The following NFIB variants were observed in gnomAD, a reference collection of about 807,000 sequenced individuals.
The protein encoded by NFIB is nuclear factor 1 B-type.
NFIB carries 11 observed loss-of-function variants against 61.5 expected under a neutral mutation model. The observed-to-expected ratio is 0.18, with a 90% confidence interval of 0.11 to 0.30. The LOEUF (loss-of-function observed/expected upper bound fraction) is 0.30. Among genes scored for constraint, NFIB ranks in the 10% least tolerant of loss-of-function variants. The pLI is 1.00. For synonymous variants in NFIB, 260 were observed against 216.5 expected, an observed-to-expected ratio of 1.20 and a Z score of -1.76; for missense variants, 471 against 608.9, an observed-to-expected ratio of 0.77 and a Z score of 2.38.
intron 6 of NFIB, among the ~76,000 whole-genome samples, chr9:14,142,025 T>C (rs988642075): frequency 6.6e-6 from 1 of 152,108 alleles, no homozygotes; most frequent in Non-Finnish European, 1.5e-5. Flanking sequence ...ACATTCAGAC[T>C]TAGATAAATT....
chr9:14,481,197 GTATATA>G, the NFIB span, among the ~76,000 whole-genome samples: 2,156 of 45,848 alleles, frequency 0.047, 200 homozygotes, highest in South Asian at 0.11. Flanking sequence ...GTGTGTGTGT[GTATATA>G]TATATATATA....
upstream of NFIB, among the ~76,000 whole-genome samples, chr9:14,399,550 G>A (rs1032722299): frequency 6.6e-6 from 1 of 152,034 alleles, no homozygotes; most frequent in African/African-American, 2.4e-5. Flanking sequence ...CTACCCTTTG[G>A]TTTTTAATTT....
rs2045171110 is a variant in NFIB at position 14,168,383 on chromosome 9, A to T, written c.616+11344T>A. ...GTGCACTAAATGCTAGTACTGTAAA[A>T]CAGCACTGCAGAGAGGCTCTGAAGA... is the stretch of plus-strand genomic sequence containing the variant. On this transcript the variant is annotated intron_variant, in intron 3 of 10. Transcript: ENST00000380953. Among the ~76,000 whole-genome samples the T allele has an allele frequency of 2.6e-5, 4 of 152,208 alleles. No homozygotes were observed. In the South Asian group the frequency reaches 8.3e-4, roughly 32 times the overall value.
At chr9:14,133,279 C>T (rs1451715097) in intron 6 of NFIB, among the ~76,000 whole-genome samples, 2 of 152,082 alleles carry the variant, frequency 1.3e-5, no homozygotes, top group African/African-American at 4.8e-5. Flanking sequence ...AGGTGGTCAA[C>T]ACATCCATCA....
Position 14,082,192 on chromosome 9 carries a change from T to C in NFIB, c.*6117A>G, listed in dbSNP as rs774681626. Reference sequence around the variant, plus strand: ...CTGCTAAAGGTTTGTTACATGGAGATTGTGCATGTGCCTCCTTTTGTAAAA... The same window carrying C: ...CTGCTAAAGGTTTGTTACATGGAGACTGTGCATGTGCCTCCTTTTGTAAAA... On this transcript the variant is annotated 3_prime_UTR_variant, in exon 11 of 11. Transcript: ENST00000380953. 99 of 205,996 alleles carry C rather than the reference T, an allele frequency of 4.8e-4. No individual in the cohort carries two copies. The highest frequency in any genetic ancestry group is 1.6e-3 in the Middle Eastern group (1 of 624). 12.8% of individuals were successfully genotyped at this position (205,996 alleles called of 1,614,324 possible). A position where few individuals can be genotyped will look rare whatever the true frequency, so the allele number is the denominator to read the frequency against.
the NFIB span, among the ~76,000 whole-genome samples, chr9:14,454,582 A>G: frequency 1.3e-5 from 2 of 151,996 alleles, no homozygotes; most frequent in South Asian, 4.2e-4. Context: ...CCTTTGAAGC[A>G]TTTGTCACAA....
At chr9:14,419,306 A>C in the NFIB span, among the ~76,000 whole-genome samples, 1 of 149,864 alleles carries the variant, frequency 6.7e-6, no homozygotes, top group African/African-American at 2.5e-5. Flanking sequence ...AAAAAAAAGC[A>C]AGAAAGAAAG....
At chr9:14,410,860 A>T in the NFIB span, among the ~76,000 whole-genome samples, 2 of 152,224 alleles carry the variant, frequency 1.3e-5, no homozygotes, top group African/African-American at 2.4e-5. Context: ...ATTCAGACTC[A>T]TTCATTTCCT....
At chr9:14,187,007 GTGTGTGTGTGTGTGTGTGTA>G (rs1218459885) in intron 2 of NFIB, among the ~76,000 whole-genome samples, 4,824 of 19,322 alleles carry the variant, frequency 0.25, 264 homozygotes, top group African/African-American at 0.29. Flanking sequence ...CTTCGCTCCT[GTGTGTGTGTGTGTGTGTGTA>G]TGTGTGTGTG....
chr9:14,476,214 G>T, the NFIB span, among the ~76,000 whole-genome samples: 4 of 149,110 alleles, frequency 2.7e-5, no homozygotes, highest in Non-Finnish European at 4.4e-5. Flanking sequence ...ACAAAGATAA[G>T]GTCGATTTCC....
At chr9:14,505,263 T>A in the NFIB span, among the ~76,000 whole-genome samples, 1 of 152,198 alleles carries the variant, frequency 6.6e-6, no homozygotes, top group Non-Finnish European at 1.5e-5. Context: ...AGCTAGTATA[T>A]TGTTGAGGAT....
intron 2 of NFIB, among the ~76,000 whole-genome samples, chr9:14,289,081 CGTGTGTGTGTGTGTGTGTGTGT>C (rs58218572): frequency 2.7e-4 from 38 of 142,404 alleles, no homozygotes; most frequent in Non-Finnish European, 5.1e-4. Flanking sequence ...TTTTCCAAAG[CGTGTGTGTGTGTGTGTGTGTGT>C]GTATGTGTGT....
In NFIB at chr9:14,377,606, C is replaced by A. The variant is rs147708223; in HGVS notation, c.108+20918G>T. 2.0e-3 allele frequency among the ~76,000 whole-genome samples: 309 copies of A among 152,240 alleles called. 4 individuals are homozygous for A. Among genetic ancestry groups the A allele is most frequent in the Admixed American group, 0.02 (300 of 15,288 alleles). On this transcript the variant is annotated intron_variant, in intron 1 of 8. Transcript: ENST00000380934. ...AAGCTTTTGGTAGGGGAAGAGAATA[C>A]TGTATTTTTGAAAGACGGAGCATTT...
chr9:14,470,503 A>G, the NFIB span, among the ~76,000 whole-genome samples: 1 of 152,080 alleles, frequency 6.6e-6, no homozygotes, highest in East Asian at 1.9e-4. Context: ...CCTTCTATGG[A>G]TGAACTCCAT....
At chr9:14,151,916 A>G (rs1010905399) in intron 4 of NFIB, among the ~76,000 whole-genome samples, 1 of 152,128 alleles carries the variant, frequency 6.6e-6, no homozygotes, top group Admixed American at 6.6e-5. Context: ...CAAGTTGAGT[A>G]TAAAATTCCA....
intron 10 of NFIB, among the ~76,000 whole-genome samples, chr9:14,105,035 G>A (rs768049880): frequency 2.0e-5 from 3 of 152,094 alleles, no homozygotes; most frequent in Non-Finnish European, 4.4e-5. Flanking sequence ...CTCCTCAGAA[G>A]GATGTGTTGT....
At chr9:14,439,905 C>G in the NFIB span, among the ~76,000 whole-genome samples, 1 of 152,170 alleles carries the variant, frequency 6.6e-6, no homozygotes, top group Non-Finnish European at 1.5e-5. Context: ...CTATATGAAC[C>G]AATATCTCAG....
chr9:14,149,195 T>C (rs1223993086), intron 5 of NFIB, among the ~76,000 whole-genome samples: 1 of 152,154 alleles, frequency 6.6e-6, no homozygotes, highest in Non-Finnish European at 1.5e-5. Flanking sequence ...TATATGAAAA[T>C]GGTTTAACCG....
chr9:14,286,355 A>G (rs2058709203), intron 2 of NFIB, among the ~76,000 whole-genome samples: 1 of 152,296 alleles, frequency 6.6e-6, no homozygotes, highest in South Asian at 2.1e-4. Context: ...ATCCTGACAC[A>G]TTTCCAACCT....
Sources: gnomAD v4.1 joint callset for allele counts (sites outside exome capture counted in the v4.1 genomes callset) on GRCh38, gnomAD v4.1.1 for gene constraint, MANE v1.5 for transcripts, NCBI Gene and HGNC (gene_info 2026-07-23, HGNC 2026-07-21) for gene names.